XKR4: variants seen among roughly 807,000 people sequenced by gnomAD.
The protein encoded by XKR4 is XK-related protein 4.
A neutral mutation model predicts 53.9 loss-of-function variants in XKR4; 12 were observed. The ratio of observed to expected loss-of-function variants is 0.22; its 90% CI spans 0.14 to 0.36. XKR4 has a LOEUF of 0.36. XKR4 is among the 10% of genes least tolerant of loss of function. XKR4 has a pLI of 1.00. For synonymous variants in XKR4, 354 were observed against 362.4 expected, an observed-to-expected ratio of 0.98 and a Z score of 0.26; for missense variants, 799 against 859.5, an observed-to-expected ratio of 0.93 and a Z score of 0.88.
intron 1 of XKR4, among the ~76,000 whole-genome samples, chr8:55,346,096 T>C (rs549616578): frequency 3.4e-5 from 5 of 147,588 alleles, no homozygotes; most frequent in South Asian, 4.2e-4. Context: ...TTTTTTTTTT[T>C]CTTTTTTGAG....
chr8:55,524,043 T>C lies in XKR4; in HGVS notation c.1769T>C (p.Ile590Thr), dbSNP rs374220062. The change falls in exon 3 of 3, where the codon ATT (isoleucine) becomes ACT (threonine). Residue 590 changes from isoleucine (I) to threonine (T), a missense_variant. By Grantham distance (89) the Ile-to-Thr change is moderately conservative. This residue lies in a region of XKR4 where 269 missense variants were observed against 264.4 expected (regional missense o/e 1.02). Transcript: ENST00000327381. ...PSTPSSRPPR[I>T]EESVIKIDLF... ...ACCCCATCATCTCGCCCACCACGGA[T>C]TGAAGAATCAGTCATTAAAATTGAC... The C allele has an allele frequency of 1.9e-5, 30 of 1,614,058 alleles. No individual in the cohort carries two copies. The African/African-American group carries it at 2.4e-4, about 13-fold the overall frequency.
At position 55,540,559 on chromosome 8, in the gene XKR4, AGCC is replaced by A. The variant is rs1478436132; in HGVS notation, c.*16333_*16335del. On this transcript the variant is annotated 3_prime_UTR_variant, in exon 3 of 3. Transcript: ENST00000327381. ...AATAGTTTCTGCTTTTCCTCTCTGT[AGCC>A]AGACAGCTCAATAGCCTAGGGAGAG... The A allele has an allele frequency of 6.6e-6, 1 of 152,190 alleles. No homozygotes were observed. The highest frequency in any genetic ancestry group is 1.5e-5 in the Non-Finnish European group (1 of 68,030). The allele number at this position is 152,190 out of a possible 1,614,324, so 9.4% of individuals were successfully genotyped here.
At chr8:55,466,593 A>G (rs1231113497) in intron 2 of XKR4, among the ~76,000 whole-genome samples, 2 of 151,324 alleles carry the variant, frequency 1.3e-5, no homozygotes, top group African/African-American at 4.9e-5. Flanking sequence ...TATGTAACAA[A>G]CCTGCACATT....
At chr8:55,491,252 G>A (rs757362655) in intron 2 of XKR4, among the ~76,000 whole-genome samples, 2 of 152,062 alleles carry the variant, frequency 1.3e-5, no homozygotes, top group African/African-American at 4.8e-5. Flanking sequence ...TATAATAGCA[G>A]TTTTTAAATT....
rs543803240 is a variant in XKR4, at chr8:55,449,181, T to TTTA, written c.1007-74098_1007-74097insATT. ...ATTTATTTATTTATTTATTTATTTA[T>TTTA]TTTATTTTGCATTCATTCTCTCTTT... On this transcript the variant is annotated intron_variant, in intron 2 of 2. Coordinates refer to ENST00000327381, the MANE Select transcript of XKR4 (RefSeq NM_052898.2). Among the ~76,000 whole-genome samples, 5 of 150,126 alleles carry TTTA rather than the reference T, an allele frequency of 3.3e-5. No individual in the cohort carries two copies. In the Admixed American group the frequency reaches 3.4e-4, roughly 10 times the overall value.
intron 2 of XKR4, among the ~76,000 whole-genome samples, chr8:55,465,260 A>T (rs980094880): frequency 5.9e-5 from 9 of 152,174 alleles, no homozygotes; most frequent in African/African-American, 2.2e-4. Flanking sequence ...CAGTAACCAA[A>T]ACAGCATGGT....
intron 1 of XKR4, among the ~76,000 whole-genome samples, chr8:55,105,830 A>G (rs540059590): frequency 6.6e-6 from 1 of 152,344 alleles, no homozygotes; most frequent in African/African-American, 2.4e-5. Flanking sequence ...TATGGAACTT[A>G]ACACTCAGAT....
At chr8:55,233,972 ATG>A (rs1370571510) in intron 1 of XKR4, among the ~76,000 whole-genome samples, 1 of 152,216 alleles carries the variant, frequency 6.6e-6, no homozygotes, top group Non-Finnish European at 1.5e-5. Context: ...CCCAGAATAC[ATG>A]TGTCAGAGCC....
intron 1 of XKR4, among the ~76,000 whole-genome samples, chr8:55,289,872 GAAAGAAAGAAAGAAAGAAAGAAAGA>G (rs1326230184): frequency 1.7e-4 from 3 of 17,328 alleles, no homozygotes; most frequent in Non-Finnish European, 2.4e-3. Context: ...AAGAAAGAAA[GAAAGAAAGAAAGAAAGAAAGAAAGA>G]AAGAAAGAAA....
chr8:55,138,366 C>T (rs1816659372), intron 1 of XKR4, among the ~76,000 whole-genome samples: 1 of 152,074 alleles, frequency 6.6e-6, no homozygotes, highest in South Asian at 2.1e-4. Context: ...AGCATGTGCT[C>T]TGGGAAGAGG....
chr8:55,113,695 A>G (rs2129351228), intron 1 of XKR4, among the ~76,000 whole-genome samples: 1 of 152,294 alleles, frequency 6.6e-6, no homozygotes, highest in Non-Finnish European at 1.5e-5. Flanking sequence ...CATTGTACCC[A>G]ATAGGTGGCA....
intron 1 of XKR4, among the ~76,000 whole-genome samples, chr8:55,301,235 A>C (rs1337819001): frequency 6.8e-6 from 1 of 146,930 alleles, no homozygotes; most frequent in Non-Finnish European, 1.5e-5. Flanking sequence ...CAGGAGTGAG[A>C]ACATGCGGTG....
chr8:55,461,665 T>G lies in XKR4; in HGVS notation c.1007-61616T>G, dbSNP rs537604368. On this transcript the variant is annotated intron_variant, in intron 2 of 2. Transcript: ENST00000327381. Reference sequence around the variant, plus strand: ...GTTGAGAGAGGAAGGCTTCAGAACATCAAACTACTCTGAGCTAAAGGAGGA... The same window carrying G: ...GTTGAGAGAGGAAGGCTTCAGAACAGCAAACTACTCTGAGCTAAAGGAGGA... Among the ~76,000 whole-genome samples, 6 of 152,182 alleles carry G rather than the reference T, an allele frequency of 3.9e-5. No homozygotes were observed. The South Asian group carries it at 1.0e-3, about 26-fold the overall frequency.
intron 2 of XKR4, among the ~76,000 whole-genome samples, chr8:55,506,277 G>C (rs999719682): frequency 6.6e-6 from 1 of 152,186 alleles, no homozygotes; most frequent in African/African-American, 2.4e-5. Flanking sequence ...AATCAGTCTG[G>C]CATCTCTACT....
intron 1 of XKR4, among the ~76,000 whole-genome samples, chr8:55,356,561 A>G (rs1803798810): frequency 6.8e-6 from 1 of 146,950 alleles, no homozygotes; most frequent in Non-Finnish European, 1.5e-5. Context: ...GAAAATATGA[A>G]CATTGAGTAT....
intron 1 of XKR4, among the ~76,000 whole-genome samples, chr8:55,277,542 G>A (rs966870513): frequency 6.6e-6 from 1 of 152,106 alleles, no homozygotes; most frequent in African/African-American, 2.4e-5. Context: ...ATAGCCTGAA[G>A]TTAATTTTAT....
rs1039335105 is a variant in XKR4 at position 55,136,622 on chromosome 8, A to G, written c.806+33328A>G. Among the ~76,000 whole-genome samples the G allele has an allele frequency of 2.6e-5, 4 of 152,216 alleles. No homozygotes were observed. In the East Asian group the frequency reaches 7.7e-4, roughly 29 times the overall value. On this transcript the variant is annotated intron_variant, in intron 1 of 2. Transcript: ENST00000327381. ...ATAATAATTGGAAGAGTTAAAACAT[A>G]TAGATTTCGATCTTTTTTGCTCCCT...
At position 55,301,640 on chromosome 8, in the gene XKR4, C is replaced by T. The variant is rs537621824; in HGVS notation, c.807-56038C>T. Among the ~76,000 whole-genome samples the T allele has an allele frequency of 2.7e-4, 41 of 152,308 alleles. No homozygotes were observed. The East Asian group carries it at 6.8e-3, about 25-fold the overall frequency. On this transcript the variant is annotated intron_variant, in intron 1 of 2. Coordinates refer to ENST00000327381, the MANE Select transcript of XKR4 (RefSeq NM_052898.2). Reference sequence around the variant, plus strand: ...GTGTAAAAGTGTTCCTATTTCTCCACATCCTCTCCAGCACCTGTTGTTTCC... The same window carrying T: ...GTGTAAAAGTGTTCCTATTTCTCCATATCCTCTCCAGCACCTGTTGTTTCC...
intron 2 of XKR4, among the ~76,000 whole-genome samples, chr8:55,475,386 TTGTTG>T (rs1805964969): frequency 1.0e-4 from 1 of 9,882 alleles, no homozygotes; most frequent in Admixed American, 7.7e-4. Context: ...TTTGCTTATT[TTGTTG>T]TTGTTGTTGT....
Sources: gnomAD v4.1 joint callset for allele counts (sites outside exome capture counted in the v4.1 genomes callset) on GRCh38, gnomAD v4.1.1 for gene constraint, gnomAD v4.1.1 regional missense constraint, MANE v1.5 for transcripts, NCBI Gene and HGNC (gene_info 2026-07-23, HGNC 2026-07-21) for gene names.